AGR3: variants seen among roughly 807,000 people sequenced by gnomAD.
AGR3 encodes anterior gradient protein 3.
Under a neutral mutation model 24.5 loss-of-function variants are expected in AGR3, and 37 were observed. The ratio of observed to expected loss-of-function variants is 1.51; its 90% CI spans 1.16 to 1.99. AGR3 has a LOEUF of 1.99. Among genes scored for constraint, AGR3 ranks in the 30% most tolerant of loss-of-function variants. The pLI is 0.00. For missense variants in AGR3, 228 were observed against 191.1 expected (o/e 1.19, Z -1.14); for synonymous variants, 75 against 61.6 (o/e 1.22, Z -1.02).
intron 3 of AGR3, chr7:16,865,589 A>G: frequency 1.4e-6 from 1 of 722,970 alleles, no homozygotes; most frequent in Non-Finnish European, 2.6e-6. Flanking sequence ...TTAGAACTTC[A>G]TGTAAAGTAT....
At chr7:16,861,240 A>G in intron 6 of AGR3, 144 bp downstream of exon 6, 1 of 577,668 alleles carries the variant, frequency 1.7e-6, no homozygotes, top group African/African-American at 1.9e-5. Context: ...TTTTGATTGT[A>G]GAACTAACAA....
At chr7:16,867,586 TG>T in intron 3 of AGR3, among the ~76,000 whole-genome samples, 1 of 152,350 alleles carries the variant, frequency 6.6e-6, no homozygotes, top group South Asian at 2.1e-4. Flanking sequence ...ATTCCCACAA[TG>T]TACAACAGAT....
intron 3 of AGR3, among the ~76,000 whole-genome samples, chr7:16,870,776 C>T (rs1781849649): frequency 6.6e-6 from 1 of 152,056 alleles, no homozygotes; most frequent in African/African-American, 2.4e-5. Context: ...TTTAAATGTT[C>T]TGCTGGTGCT....
chr7:16,873,213 A>C (rs926956423), intron 3 of AGR3, among the ~76,000 whole-genome samples: 1 of 152,160 alleles, frequency 6.6e-6, no homozygotes, highest in African/African-American at 2.4e-5. Context: ...CAATGGATGG[A>C]TGGATAAAGA....
intron 1 of AGR3, among the ~76,000 whole-genome samples, chr7:16,880,547 C>CCTT (rs1782097731): frequency 1.3e-5 from 1 of 78,866 alleles, no homozygotes; most frequent in African/African-American, 5.0e-5. Flanking sequence ...CTCCCCTCCT[C>CCTT]TCCCCTCCTT....
At chr7:16,862,561 A>G (rs1180494751) in intron 4 of AGR3, 49 bp downstream of exon 4, 6 of 1,211,446 alleles carry the variant, frequency 5.0e-6, no homozygotes, top group South Asian at 4.3e-5. Flanking sequence ...TTCCTATTTT[A>G]TATTGGAAAT....
chr7:16,871,952 A>C (rs1781874298), intron 3 of AGR3, among the ~76,000 whole-genome samples: 1 of 152,202 alleles, frequency 6.6e-6, no homozygotes, highest in African/African-American at 2.4e-5. Context: ...AAGAAATTGA[A>C]GAGAACACCA....
downstream of AGR3, among the ~76,000 whole-genome samples, chr7:16,858,879 CAAAT>C (rs1206444960): frequency 4.6e-5 from 7 of 151,892 alleles, no homozygotes; most frequent in Admixed American, 3.3e-4. Flanking sequence ...AACTTTGTCT[CAAAT>C]AAATAAATAA....
intron 1 of AGR3, among the ~76,000 whole-genome samples, chr7:16,880,562 CTCCTT>C (rs1782098755): frequency 7.7e-6 from 1 of 129,400 alleles, no homozygotes; most frequent in African/African-American, 2.9e-5. Flanking sequence ...CTCCTTTCCC[CTCCTT>C]TCCCCTCCTC....
intron 3 of AGR3, among the ~76,000 whole-genome samples, chr7:16,868,961 T>G (rs7787112): frequency 0.11 from 17,205 of 152,234 alleles, 1,264 homozygotes; most frequent in East Asian, 0.37. Flanking sequence ...ACTTGTTTCA[T>G]GTGTCATGTG....
At chr7:16,865,172 A>G in intron 3 of AGR3, 1 of 747,608 alleles carries the variant, frequency 1.3e-6, no homozygotes, top group East Asian at 2.4e-5. Context: ...CTTGACTTTC[A>G]AAAACCCTAT....
chr7:16,859,995 C>T (rs1781609469), intron 7 of AGR3, among the ~76,000 whole-genome samples: 1 of 151,560 alleles, frequency 6.6e-6, no homozygotes, highest in African/African-American at 2.4e-5. Flanking sequence ...GTAGGTCATG[C>T]TTGTAATCCC....
rs564019644 is a variant in AGR3 at position 16,878,071 on chromosome 7, G to C, written c.109+439C>G. On this transcript the variant is annotated intron_variant, in intron 2 of 7. Transcript: ENST00000310398. ...AGTTACCCCGAATTCTCAGAGTTTG[G>C]GGTATAGTATAATTTTCTGGGAAGG... Among the ~76,000 whole-genome samples the C allele has an allele frequency of 2.6e-5, 4 of 152,034 alleles. No homozygotes were observed. In the South Asian group the frequency reaches 8.3e-4, roughly 32 times the overall value.
At chr7:16,868,131 G>A (rs933550291) in intron 3 of AGR3, among the ~76,000 whole-genome samples, 2 of 151,200 alleles carry the variant, frequency 1.3e-5, no homozygotes, top group Admixed American at 6.6e-5. Context: ...GTTAAGTATT[G>A]TTTTCATCTA....
intron 3 of AGR3, chr7:16,865,668 C>A: frequency 1.2e-6 from 1 of 802,968 alleles, no homozygotes; most frequent in Non-Finnish European, 2.2e-6. Context: ...CTCAGATGAT[C>A]TCCAAGCATT....
At chr7:16,861,838 T>G (rs1583835111) in intron 5 of AGR3, 146 bp downstream of exon 5, 1 of 662,786 alleles carries the variant, frequency 1.5e-6, no homozygotes, top group Non-Finnish European at 2.5e-6. Context: ...GAGGCTGAGG[T>G]TGCTGTGAGC....
chr7:16,864,539 G>T, intron 3 of AGR3: 1 of 1,322,114 alleles, frequency 7.6e-7, no homozygotes, highest in Non-Finnish European at 1.1e-6. Flanking sequence ...CCGAAGTGTT[G>T]CTTCAGAGGG....
At chr7:16,874,446 A>G (rs1257247220) in intron 2 of AGR3, among the ~76,000 whole-genome samples, 1 of 152,170 alleles carries the variant, frequency 6.6e-6, no homozygotes, top group East Asian at 1.9e-4. Flanking sequence ...GAATATAGAG[A>G]GAACCCATTA....
rs762065696 is a variant in AGR3 at position 16,860,515 on chromosome 7, G to A, written c.436C>T (p.Arg146Trp). Residue 146 changes from arginine (R) to tryptophan (W), a missense_variant, in exon 7 of 8, where the codon CGG becomes TGG. Arg to Trp is a moderately radical substitution (Grantham distance 101). Transcript: ENST00000310398. ...GAATACTTACATAGGGGTAAATCCC[G>A]AGGCTCATATGTGTACAATCTGTTA... The part of the protein sequence containing the change: ...YSNRLYTYEP[R>W]DLPLLIENMK... 3.7e-6 allele frequency: 6 copies of A among 1,612,774 alleles called. No individual in the cohort carries two copies. Among genetic ancestry groups the A allele is most frequent in the South Asian group, 3.3e-5 (3 of 91,008 alleles).
Sources: gnomAD v4.1 joint callset for allele counts (sites outside exome capture counted in the v4.1 genomes callset) on GRCh38, gnomAD v4.1.1 for gene constraint, MANE v1.5 for transcripts, NCBI Gene and HGNC (gene_info 2026-07-23, HGNC 2026-07-21) for gene names.